TM9SF2: variants seen among roughly 807,000 people sequenced by gnomAD.
TM9SF2 encodes 76 kDa membrane protein.
TM9SF2 carries 13 observed loss-of-function variants against 84.9 expected under a neutral mutation model. The ratio of observed to expected loss-of-function variants is 0.15; its 90% CI spans 0.10 to 0.24. The LOEUF is 0.24. Ranked by LOEUF, TM9SF2 falls within the 10% of genes least tolerant of loss-of-function variation. The pLI, the probability that TM9SF2 is intolerant of heterozygous loss-of-function variation, is 1.00. For synonymous variants in TM9SF2, 273 were observed against 285.8 expected (o/e 0.96, Z 0.45); for missense variants, 562 against 818.5 (o/e 0.69, Z 3.82).
chr13:99,552,401 C>T, intron 13 of TM9SF2, 75 bp downstream of exon 13: 1 of 1,398,846 alleles, frequency 7.1e-7, no homozygotes, highest in East Asian at 2.3e-5. Context: ...CAAAAGATAC[C>T]ATAAAAGTGT....
chr13:99,527,435 C>T (rs1012029912), intron 3 of TM9SF2, among the ~76,000 whole-genome samples: 3 of 152,268 alleles, frequency 2.0e-5, no homozygotes, highest in Non-Finnish European at 1.5e-5. Flanking sequence ...CAGAGTGAAT[C>T]GGAGAAAGCC....
rs891300603 is a variant in TM9SF2 at position 99,544,106 on chromosome 13, C to CT, written c.1150+114dup. The CT allele has an allele frequency of 2.7e-5, 33 of 1,234,142 alleles. No individual in the cohort carries two copies. The African/African-American group carries it at 4.6e-4, about 17-fold the overall frequency. The allele number at this position is 1,234,142 out of a possible 1,614,324, so 76.4% of individuals were successfully genotyped here. A position where few individuals can be genotyped will look rare whatever the true frequency, so the allele number is the denominator to read the frequency against. On this transcript the variant is annotated intron_variant, in intron 10 of 16. Coordinates refer to ENST00000376387, the MANE Select transcript of TM9SF2 (RefSeq NM_004800.3). The stretch of plus-strand genomic sequence containing the variant: ...GTGGCTCATGCCTGTAATCCTAGCA[C>CT]TTTGGGAGGCCAAGGCGGGTGGATG...
Position 99,501,642 on chromosome 13 carries a change from G to C in TM9SF2, c.36G>C (p.Arg12=). 6.2e-7 allele frequency: 1 copy of C among 1,613,166 alleles called. No individual in the cohort carries two copies. The highest frequency in any genetic ancestry group is 1.3e-5 in the African/African-American group (1 of 74,996). Residue 12 remains arginine (R), a synonymous_variant, in exon 1 of 17, where the codon CGG becomes CGC. Coordinates refer to ENST00000376387, the MANE Select transcript of TM9SF2 (RefSeq NM_004800.3). ...GGCTGCCGGTGTTGTCTCCACCTCGGTGGCCGCGGCTGTTGCTGCTGTCGC... is the reference window on the plus strand; with the variant it reads ...GGCTGCCGGTGTTGTCTCCACCTCGCTGGCCGCGGCTGTTGCTGCTGTCGC... ...SARLPVLSPP[R]WPRLLLLSLL... is the part of the protein sequence containing the mutation.
chr13:99,520,288 C>T (rs1354746401), intron 3 of TM9SF2, among the ~76,000 whole-genome samples, 159 bp downstream of exon 3: 1 of 152,192 alleles, frequency 6.6e-6, no homozygotes, highest in African/African-American at 2.4e-5. Context: ...AAGGATCCTT[C>T]TCCTTCTCAC....
intron 14 of TM9SF2, among the ~76,000 whole-genome samples, chr13:99,554,936 A>T (rs1161324935): frequency 1.3e-5 from 2 of 152,184 alleles, no homozygotes; most frequent in African/African-American, 4.8e-5. Flanking sequence ...TGCAATTCTC[A>T]GATGCCTTCA....
At chr13:99,519,080 G>T (rs2046147683) in intron 2 of TM9SF2, among the ~76,000 whole-genome samples, 1 of 152,128 alleles carries the variant, frequency 6.6e-6, no homozygotes, top group Non-Finnish European at 1.5e-5. Flanking sequence ...ACACAAAAAA[G>T]TTACGACTAT....
intron 4 of TM9SF2, 61 bp from the exon 5 acceptor site, chr13:99,536,547 A>G: frequency 6.3e-7 from 1 of 1,574,900 alleles, no homozygotes; most frequent in Non-Finnish European, 8.6e-7. Context: ...TGATTTGGGC[A>G]GTAATTCTTT....
At chr13:99,527,548 C>G (rs1472105754) in intron 3 of TM9SF2, among the ~76,000 whole-genome samples, 1 of 152,180 alleles carries the variant, frequency 6.6e-6, no homozygotes, top group African/African-American at 2.4e-5. Flanking sequence ...GGTCCCTCCC[C>G]CAACACGTGG....
intron 8 of TM9SF2, among the ~76,000 whole-genome samples, chr13:99,540,997 T>C (rs968175347): frequency 2.6e-5 from 4 of 152,236 alleles, no homozygotes; most frequent in Admixed American, 2.6e-4. Flanking sequence ...ATACCCACCT[T>C]ATGGGATTGT....
chr13:99,559,235 G>A lies in TM9SF2; in HGVS notation c.1753-128G>A, dbSNP rs571615138. On this transcript the variant is annotated intron_variant, in intron 15 of 16. Transcript: ENST00000376387. ...TGGGTGAAGTTCAATAGGAGAAAGA[G>A]CCTGGAACTGATAGCAGAAATTAGA... The A allele has an allele frequency of 1.8e-5, 14 of 779,280 alleles. No individual in the cohort carries two copies. In the East Asian group the frequency reaches 3.5e-4, roughly 19 times the overall value. 48.3% of individuals were successfully genotyped at this position (779,280 alleles called of 1,614,324 possible).
chr13:99,536,715 C>T lies in TM9SF2; in HGVS notation c.569C>T (p.Ala190Val). The T allele has an allele frequency of 6.2e-7, 1 of 1,613,592 alleles. No homozygotes were observed. The highest frequency in any genetic ancestry group is 8.5e-7 in the Non-Finnish European group (1 of 1,179,680). The change falls in exon 5 of 17, where the codon GCA (alanine) becomes GTA (valine). Residue 190 changes from alanine (A) to valine (V), a missense_variant. Coordinates refer to ENST00000376387, the MANE Select transcript of TM9SF2 (RefSeq NM_004800.3). ...IGCYITDKGH[A>V]KDACVISSDF... ...TGTTACATTACAGATAAAGGCCATG[C>T]AAAAGATGCCTGTGTTATTAGTGTA...
intron 4 of TM9SF2, among the ~76,000 whole-genome samples, chr13:99,534,059 C>G (rs886783867): frequency 1.3e-5 from 2 of 152,176 alleles, no homozygotes; most frequent in African/African-American, 4.8e-5. Flanking sequence ...TTTTGTGATT[C>G]CTGAAACTAT....
In TM9SF2 at chr13:99,562,870, C is replaced by A; in HGVS notation, c.*112C>A. ...CAGAATTATTGGCCTAGTAATCCTT[C>A]AGAAACACCGTAATTCTAAATAAAC... On this transcript the variant is annotated 3_prime_UTR_variant, in exon 17 of 17. Coordinates refer to ENST00000376387, the MANE Select transcript of TM9SF2 (RefSeq NM_004800.3). 1 of 969,782 alleles carries A rather than the reference C, an allele frequency of 1.0e-6. No individual in the cohort carries two copies. The highest frequency in any genetic ancestry group is 1.6e-6 in the Non-Finnish European group (1 of 636,462). The allele number at this position is 969,782 out of a possible 1,614,324, so 60.1% of individuals were successfully genotyped here.
At chr13:99,562,435 AG>A (rs1338212799) in intron 16 of TM9SF2, among the ~76,000 whole-genome samples, 4 of 152,244 alleles carry the variant, frequency 2.6e-5, no homozygotes, top group African/African-American at 9.6e-5. Context: ...CTATGTAGTA[AG>A]GAAAATAATG....
At chr13:99,544,528 T>C (rs2046275115) in intron 10 of TM9SF2, among the ~76,000 whole-genome samples, 1 of 152,180 alleles carries the variant, frequency 6.6e-6, no homozygotes, top group South Asian at 2.1e-4. Flanking sequence ...GGCACTGGGC[T>C]GGAGATGAAC....
rs2046240790 is a variant in TM9SF2 at position 99,537,780 on chromosome 13, T to C, written c.633T>C (p.His211=). The C allele has an allele frequency of 1.2e-6, 2 of 1,611,082 alleles. No individual in the cohort carries two copies. Among genetic ancestry groups the C allele is most frequent in the African/African-American group, 1.3e-5 (1 of 74,808 alleles). ...HERDTFYIFN[H]VDIKIYYHVV... ...GAGATACATTTTACATCTTCAACCA[T>C]GTTGACATCAAAATATACTATCATG... Residue 211 remains histidine (H), a synonymous_variant, in exon 6 of 17, where the codon CAT becomes CAC. Transcript: ENST00000376387.
At chr13:99,520,174 G>A (rs764634087) in intron 3 of TM9SF2, 45 bp downstream of exon 3, 2 of 1,521,374 alleles carry the variant, frequency 1.3e-6, no homozygotes, top group Non-Finnish European at 1.8e-6. Context: ...TACAGCTTTT[G>A]TTTTTGTTAT....
rs1422584200 is a variant in TM9SF2 at position 99,562,996 on chromosome 13, A to G, written c.*238A>G. 2.6e-6 allele frequency: 1 copy of G among 379,416 alleles called. No individual in the cohort carries two copies. The highest frequency in any genetic ancestry group is 4.7e-6 in the Non-Finnish European group (1 of 212,398). The allele number at this position is 379,416 out of a possible 1,614,324, so 23.5% of individuals were successfully genotyped here. A position where few individuals can be genotyped will look rare whatever the true frequency, so the allele number is the denominator to read the frequency against. On this transcript the variant is annotated 3_prime_UTR_variant, in exon 17 of 17. Transcript: ENST00000376387. ...ATATATTTGGTTGTTCTCAATGAAG[A>G]GCAAATTTAAATATTATGTGCATTT...
At chr13:99,521,245 A>C (rs952439283) in intron 3 of TM9SF2, among the ~76,000 whole-genome samples, 2 of 152,338 alleles carry the variant, frequency 1.3e-5, no homozygotes, top group Non-Finnish European at 2.9e-5. Flanking sequence ...TCATACACCT[A>C]TAAGCTTACA....
Sources: allele counts gnomAD v4.1 joint callset (sites outside exome capture counted in the v4.1 genomes callset), GRCh38; gene constraint gnomAD v4.1.1; transcripts MANE v1.5; gene names NCBI Gene and HGNC (gene_info 2026-07-23, HGNC 2026-07-21).